Variants in KCNMA1 observed in about 807,000 individuals in gnomAD.
The protein encoded by KCNMA1 is Calcium-activated potassium channel subunit alpha-1.
KCNMA1 carries 29 observed loss-of-function variants against 140.0 expected under a neutral mutation model. The observed-to-expected ratio is 0.21, with a 90% CI of 0.15 to 0.28. KCNMA1 has a LOEUF of 0.28. Among genes scored for constraint, KCNMA1 ranks in the 10% least tolerant of loss-of-function variants. The pLI is 1.00. For missense variants in KCNMA1, 880 were observed against 1,602.2 expected (o/e 0.55, Z 7.70); for synonymous variants, 612 against 611.9 (o/e 1.00, Z 0.00).
At chr10:77,280,140 G>A (rs2067993289) in intron 2 of KCNMA1, among the ~76,000 whole-genome samples, 1 of 152,124 alleles carries the variant, frequency 6.6e-6, no homozygotes, top group Non-Finnish European at 1.5e-5. Context: ...GAAATGGTGT[G>A]CTTATCTTGA....
chr10:77,311,277 G>A (rs1027501262), intron 2 of KCNMA1, among the ~76,000 whole-genome samples: 4 of 152,158 alleles, frequency 2.6e-5, no homozygotes, highest in Non-Finnish European at 4.4e-5. Context: ...GGTGGTCCCT[G>A]AGTCCCCATT....
intron 2 of KCNMA1, among the ~76,000 whole-genome samples, chr10:77,308,967 C>T (rs868472780): frequency 6.6e-6 from 1 of 152,224 alleles, no homozygotes; most frequent in African/African-American, 2.4e-5. Flanking sequence ...CCTGTGAGCT[C>T]CAAAGCATCA....
intron 2 of KCNMA1, among the ~76,000 whole-genome samples, chr10:77,252,559 G>A (rs565460279): frequency 1.4e-4 from 21 of 151,674 alleles, no homozygotes; most frequent in Non-Finnish European, 2.2e-4. Flanking sequence ...GTGTGTGTGC[G>A]GGCACGTGTG....
At chr10:77,294,570 A>G (rs2074347462) in intron 2 of KCNMA1, among the ~76,000 whole-genome samples, 1 of 152,248 alleles carries the variant, frequency 6.6e-6, no homozygotes, top group East Asian at 1.9e-4. Flanking sequence ...GCAAAGACCA[A>G]TGTAAGAATG....
intron 1 of KCNMA1, among the ~76,000 whole-genome samples, chr10:77,512,793 A>C (rs2048855848): frequency 6.6e-6 from 1 of 152,170 alleles, no homozygotes; most frequent in Non-Finnish European, 1.5e-5. Flanking sequence ...TGATGAAACC[A>C]ACCCTGTCAA....
chr10:77,422,125 C>G (rs977193040), intron 1 of KCNMA1, among the ~76,000 whole-genome samples: 2 of 152,220 alleles, frequency 1.3e-5, no homozygotes, highest in East Asian at 1.9e-4. Flanking sequence ...GACCAAATAA[C>G]TTTCTTCTTT....
At chr10:77,076,699 A>G (rs1017272086) in intron 13 of KCNMA1, among the ~76,000 whole-genome samples, 40 of 152,202 alleles carry the variant, frequency 2.6e-4, no homozygotes, top group Non-Finnish European at 3.5e-4. Flanking sequence ...ACGAGTACTA[A>G]AGAAGATAAT....
chr10:76,897,271 A>G (rs903359726), intron 25 of KCNMA1, among the ~76,000 whole-genome samples: 1 of 151,810 alleles, frequency 6.6e-6, no homozygotes, highest in Non-Finnish European at 1.5e-5. Context: ...GAGCTGGGAA[A>G]TGAATCTAGG....
chr10:76,895,909 G>C (rs1043429435), intron 25 of KCNMA1, among the ~76,000 whole-genome samples: 2 of 152,168 alleles, frequency 1.3e-5, no homozygotes, highest in Admixed American at 1.3e-4. Context: ...GTGGGTCACA[G>C]AGATCACATG....
At chr10:77,294,783 G>T (rs1601568755) in intron 2 of KCNMA1, among the ~76,000 whole-genome samples, 1 of 151,910 alleles carries the variant, frequency 6.6e-6, no homozygotes, top group South Asian at 2.1e-4. Context: ...GCCAGGCCTG[G>T]TGCCACACGC....
intron 1 of KCNMA1, among the ~76,000 whole-genome samples, chr10:77,496,262 G>A (rs2041881424): frequency 6.6e-6 from 1 of 152,092 alleles, no homozygotes. Context: ...ACCACCTCAT[G>A]CATGTTACAA....
At chr10:77,472,000 C>CCACA (rs1215922750) in intron 1 of KCNMA1, among the ~76,000 whole-genome samples, 3 of 147,458 alleles carry the variant, frequency 2.0e-5, no homozygotes, top group Non-Finnish European at 4.5e-5. Context: ...CATACACACA[C>CCACA]CACACACACA....
At chr10:77,512,308 T>C (rs2048691316) in intron 1 of KCNMA1, among the ~76,000 whole-genome samples, 1 of 152,224 alleles carries the variant, frequency 6.6e-6, no homozygotes, top group African/African-American at 2.4e-5. Context: ...AGTTTCACTT[T>C]TCATTTTTTC....
intron 1 of KCNMA1, among the ~76,000 whole-genome samples, chr10:77,616,342 G>A (rs1205122564): frequency 1.3e-5 from 2 of 152,180 alleles, no homozygotes; most frequent in African/African-American, 4.8e-5. Flanking sequence ...CACATTAGGG[G>A]AAAATGTCAC....
intron 2 of KCNMA1, among the ~76,000 whole-genome samples, chr10:77,274,521 T>C (rs1464561439): frequency 6.6e-6 from 1 of 152,212 alleles, no homozygotes; most frequent in Non-Finnish European, 1.5e-5. Context: ...CATTTATCTA[T>C]TTCCTTGGCA....
At chr10:76,915,236 T>C (rs1440304901) in intron 23 of KCNMA1, among the ~76,000 whole-genome samples, 187 bp from the exon 24 acceptor site, 1 of 152,202 alleles carries the variant, frequency 6.6e-6, no homozygotes, top group African/African-American at 2.4e-5. Flanking sequence ...GAAACCATTA[T>C]AAATAATCGT....
At chr10:77,280,195 G>C (rs186807105) in intron 2 of KCNMA1, among the ~76,000 whole-genome samples, 1 of 152,156 alleles carries the variant, frequency 6.6e-6, no homozygotes, top group African/African-American at 2.4e-5. Flanking sequence ...TCATCAATGC[G>C]CTAGAAACAC....
chr10:77,227,480 T>A (rs2051905304), intron 3 of KCNMA1, among the ~76,000 whole-genome samples: 1 of 152,176 alleles, frequency 6.6e-6, no homozygotes, highest in African/African-American at 2.4e-5. Flanking sequence ...TCCCACCAGT[T>A]CCCAGAAATA....
At chr10:77,627,719 C>T (rs549848195) in intron 1 of KCNMA1, among the ~76,000 whole-genome samples, 2 of 152,284 alleles carry the variant, frequency 1.3e-5, no homozygotes, top group African/African-American at 4.8e-5. Flanking sequence ...ATGTCCCAGA[C>T]ACAGACTAGA....
Sources: allele counts gnomAD v4.1 joint callset (sites outside exome capture counted in the v4.1 genomes callset), GRCh38; gene constraint gnomAD v4.1.1; transcripts MANE v1.5; gene names NCBI Gene and HGNC (gene_info 2026-07-23, HGNC 2026-07-21).